GPC6: variants seen among roughly 807,000 people sequenced by gnomAD.
GPC6 encodes glypican-6.
A neutral mutation model predicts 55.2 loss-of-function variants in GPC6; 14 were observed. That is an observed-to-expected ratio of 0.25 (90% CI 0.17 to 0.40). The LOEUF (loss-of-function observed/expected upper bound fraction) is 0.40. Among genes scored for constraint, GPC6 ranks in the 10% least tolerant of loss-of-function variants. The pLI, the probability that GPC6 is intolerant of heterozygous loss-of-function variation, is 1.00. For missense variants in GPC6, 641 were observed against 708.5 expected, an observed-to-expected ratio of 0.90 and a Z score of 1.08; for synonymous variants, 278 against 259.6, an observed-to-expected ratio of 1.07 and a Z score of -0.68.
chr13:94,049,908 A>G (rs1388537318), intron 4 of GPC6, among the ~76,000 whole-genome samples: 3 of 151,936 alleles, frequency 2.0e-5, no homozygotes, highest in African/African-American at 7.3e-5. Context: ...GTTCCCCCAT[A>G]CTGTTCTTAT....
At chr13:94,018,663 T>C (rs889755828) in intron 3 of GPC6, among the ~76,000 whole-genome samples, 1 of 152,152 alleles carries the variant, frequency 6.6e-6, no homozygotes, top group Admixed American at 6.6e-5. Flanking sequence ...TCAACATATA[T>C]AAGGGGTATT....
At chr13:94,392,938 C>T (rs1421185111) in intron 7 of GPC6, among the ~76,000 whole-genome samples, 1 of 152,116 alleles carries the variant, frequency 6.6e-6, no homozygotes, top group Non-Finnish European at 1.5e-5. Flanking sequence ...TGAGGAATTG[C>T]CATGCAGTTT....
intron 2 of GPC6, among the ~76,000 whole-genome samples, chr13:93,720,403 C>T (rs538503794): frequency 6.6e-6 from 1 of 152,070 alleles, no homozygotes; most frequent in South Asian, 2.1e-4. Flanking sequence ...TCTGTGGGAT[C>T]AGTGATGATA....
intron 1 of GPC6, among the ~76,000 whole-genome samples, chr13:93,369,862 C>T (rs901453584): frequency 6.6e-6 from 1 of 152,114 alleles, no homozygotes; most frequent in Non-Finnish European, 1.5e-5. Context: ...TCATATCTAT[C>T]AAGACAGTGT....
At chr13:93,532,449 A>C (rs962736661) in intron 1 of GPC6, among the ~76,000 whole-genome samples, 1 of 152,232 alleles carries the variant, frequency 6.6e-6, no homozygotes, top group African/African-American at 2.4e-5. Flanking sequence ...AATTGTATAT[A>C]TAGTTAAAAC....
At chr13:93,249,210 TC>T (rs1210345207) in intron 1 of GPC6, among the ~76,000 whole-genome samples, 1 of 152,212 alleles carries the variant, frequency 6.6e-6, no homozygotes, top group African/African-American at 2.4e-5. Context: ...GGACGTATTT[TC>T]ACCATTAATA....
intron 2 of GPC6, among the ~76,000 whole-genome samples, chr13:93,590,692 A>G (rs556968444): frequency 9.8e-5 from 15 of 152,304 alleles, no homozygotes; most frequent in African/African-American, 3.4e-4. Flanking sequence ...TAAGCCCAGA[A>G]AGTAGGTATG....
intron 1 of GPC6, among the ~76,000 whole-genome samples, chr13:93,379,298 C>CTA (rs1223634287): frequency 6.7e-6 from 1 of 149,490 alleles, no homozygotes; most frequent in Non-Finnish European, 1.5e-5. Flanking sequence ...GAAAGTGAGG[C>CTA]TATACATCAT....
Position 93,724,392 on chromosome 13 carries a change from T to C in GPC6, c.320-105762T>C, listed in dbSNP as rs187089629. 6.6e-3 allele frequency among the ~76,000 whole-genome samples: 1,011 copies of C among 152,222 alleles called. 7 individuals are homozygous for C. Among genetic ancestry groups the C allele is most frequent in the Non-Finnish European group, 0.012 (825 of 67,992 alleles). ...GCTATTTGTTGATCATTTCTGCTGA[T>C]GAAATCAGCAAATCCTGTGGTTAGA... is the stretch of plus-strand genomic sequence containing the variant. On this transcript the variant is annotated intron_variant, in intron 2 of 8. Transcript: ENST00000377047.
At chr13:93,929,942 C>A (rs535047919) in intron 3 of GPC6, among the ~76,000 whole-genome samples, 1 of 151,990 alleles carries the variant, frequency 6.6e-6, no homozygotes, top group East Asian at 1.9e-4. Context: ...TATAGTTTGG[C>A]GAGTATGGCA....
chr13:93,500,781 A>G (rs1032883659), intron 1 of GPC6, among the ~76,000 whole-genome samples: 4 of 152,160 alleles, frequency 2.6e-5, no homozygotes, highest in Non-Finnish European at 4.4e-5. Context: ...AAAATAGACA[A>G]TGAGCACTAA....
chr13:93,231,360 C>CGT (rs1491142254), intron 1 of GPC6, among the ~76,000 whole-genome samples: 10 of 14,940 alleles, frequency 6.7e-4, no homozygotes, highest in South Asian at 2.2e-3. Flanking sequence ...TATATATATA[C>CGT]GTATATATAT....
intron 2 of GPC6, among the ~76,000 whole-genome samples, chr13:93,557,908 T>G (rs2139454049): frequency 6.6e-6 from 1 of 152,328 alleles, no homozygotes; most frequent in East Asian, 1.9e-4. Context: ...TAGGCATTTC[T>G]TATTTTTTCC....
chr13:93,840,365 G>T (rs1887905703), intron 3 of GPC6, among the ~76,000 whole-genome samples: 1 of 151,980 alleles, frequency 6.6e-6, no homozygotes, highest in African/African-American at 2.4e-5. Flanking sequence ...TAAATTCCTG[G>T]AAAATACAAC....
At chr13:93,817,264 TG>T (rs1886886335) in intron 2 of GPC6, among the ~76,000 whole-genome samples, 1 of 152,246 alleles carries the variant, frequency 6.6e-6, no homozygotes, top group African/African-American at 2.4e-5. Context: ...GAATAGTAGC[TG>T]ACTGATAGTA....
chr13:94,403,190 C>T lies in GPC6; in HGVS notation c.1641C>T (p.Val547=). Residue 547 remains valine (V), a synonymous_variant, in exon 9 of 9, where the codon GTC becomes GTT. Coordinates refer to ENST00000377047, the MANE Select transcript of GPC6 (RefSeq NM_005708.5). The part of the protein sequence containing the change: ...SLLSWSLTCI[V]LALQRLCR ...TCTCCTGGTCTCTCACCTGCATTGTCCTGGCACTGCAGAGACTGTGCAGAT... is the reference window on the plus strand; with the variant it reads ...TCTCCTGGTCTCTCACCTGCATTGTTCTGGCACTGCAGAGACTGTGCAGAT... 1 of 1,613,746 alleles carries T rather than the reference C, an allele frequency of 6.2e-7. No individual in the cohort carries two copies. The highest frequency in any genetic ancestry group is 8.5e-7 in the Non-Finnish European group (1 of 1,179,642).
chr13:93,975,860 G>C (rs186801393), intron 3 of GPC6, among the ~76,000 whole-genome samples: 3 of 152,228 alleles, frequency 2.0e-5, no homozygotes. Context: ...GCCAGCTTTA[G>C]TGTCCCTGGG....
chr13:94,334,895 C>CTAA (rs1348934698), intron 6 of GPC6, among the ~76,000 whole-genome samples: 13 of 152,230 alleles, frequency 8.5e-5, no homozygotes, highest in Admixed American at 6.5e-5. Context: ...ATAGTTATAC[C>CTAA]TAATTTATAG....
chr13:93,964,973 T>G (rs1233683539), intron 3 of GPC6, among the ~76,000 whole-genome samples: 1 of 152,126 alleles, frequency 6.6e-6, no homozygotes, highest in African/African-American at 2.4e-5. Context: ...TTAATACTAT[T>G]GCTACCATAT....
Sources: gnomAD v4.1 joint callset for allele counts (sites outside exome capture counted in the v4.1 genomes callset) on GRCh38, gnomAD v4.1.1 for gene constraint, MANE v1.5 for transcripts, NCBI Gene and HGNC (gene_info 2026-07-23, HGNC 2026-07-21) for gene names.